Variants in PRICKLE2 observed in about 807,000 individuals in gnomAD.
PRICKLE2 encodes prickle-like protein 2.
A neutral mutation model predicts 81.4 loss-of-function variants in PRICKLE2; 21 were observed. The ratio of observed to expected loss-of-function variants is 0.26; its 90% confidence interval spans 0.18 to 0.37. PRICKLE2 has a LOEUF of 0.37. Ranked by LOEUF, PRICKLE2 falls within the 10% of genes least tolerant of loss-of-function variation. The probability of loss-of-function intolerance (pLI) is 1.00; values close to 1 mark genes in which losing one functional copy is unlikely to be tolerated. For missense variants in PRICKLE2, 940 were observed against 1,109.0 expected (o/e 0.85, Z 2.16); for synonymous variants, 456 against 421.5 (o/e 1.08, Z -1.00).
At chr3:64,137,747 A>T (rs1177249515) in intron 7 of PRICKLE2, among the ~76,000 whole-genome samples, 4 of 152,086 alleles carry the variant, frequency 2.6e-5, no homozygotes, top group African/African-American at 9.7e-5. Flanking sequence ...CGAGGGATGG[A>T]TTCTCCTGGG....
At chr3:64,223,841 T>A (rs2078992857) in intron 1 of PRICKLE2, among the ~76,000 whole-genome samples, 1 of 152,136 alleles carries the variant, frequency 6.6e-6, no homozygotes, top group Admixed American at 6.5e-5. Flanking sequence ...CAGCAGCCAA[T>A]TTGGCCTCTA....
Position 64,160,082 on chromosome 3 carries a change from A to G in PRICKLE2, c.259-5T>C, listed in dbSNP as rs370989875. On this transcript the variant is annotated splice_polypyrimidine_tract_variant and splice_region_variant and intron_variant, in intron 3 of 7. Coordinates refer to ENST00000638394, the MANE Select transcript of PRICKLE2 (RefSeq NM_198859.4). Reference sequence around the variant, plus strand: ...CAGGGAGTTGCAATATCGAACCTGAATAGACACAGACAATGGCATGGAAAA... The same window carrying G: ...CAGGGAGTTGCAATATCGAACCTGAGTAGACACAGACAATGGCATGGAAAA... 1.9e-6 allele frequency: 3 copies of G among 1,613,902 alleles called. No homozygotes were observed. The highest frequency in any genetic ancestry group is 3.3e-5 in the Admixed American group (2 of 60,028).
intron 1 of PRICKLE2, among the ~76,000 whole-genome samples, chr3:64,214,549 G>A (rs2078842314): frequency 6.6e-6 from 1 of 152,166 alleles, no homozygotes; most frequent in Admixed American, 6.5e-5. Context: ...CTATGGAAAG[G>A]TTTTTGTGGT....
chr3:64,231,493 C>G (rs934541555), intron 2 of PRICKLE2, among the ~76,000 whole-genome samples: 2 of 152,148 alleles, frequency 1.3e-5, no homozygotes, highest in Non-Finnish European at 2.9e-5. Context: ...AAGATCTGTA[C>G]AGGGATGCTC....
intron 7 of PRICKLE2, among the ~76,000 whole-genome samples, chr3:64,133,994 A>C (rs991208309): frequency 2.0e-5 from 3 of 152,194 alleles, no homozygotes; most frequent in South Asian, 4.1e-4. Context: ...AGACAGAGTT[A>C]AGAGGAAGGT....
intron 7 of PRICKLE2, chr3:64,141,766 G>A (rs2107005534): frequency 1.0e-6 from 1 of 982,710 alleles, no homozygotes. Context: ...CTGTTCTGAG[G>A]AAAAATGCTG....
intron 2 of PRICKLE2, among the ~76,000 whole-genome samples, chr3:64,241,635 C>T (rs1174589024): frequency 6.6e-6 from 1 of 152,164 alleles, no homozygotes; most frequent in Non-Finnish European, 1.5e-5. Context: ...GGGATGAGGG[C>T]CACAGCTCTT....
intron 2 of PRICKLE2, among the ~76,000 whole-genome samples, chr3:64,246,427 A>AC (rs1411239240): frequency 2.0e-5 from 3 of 151,788 alleles, no homozygotes; most frequent in African/African-American, 7.3e-5. Context: ...GCACCCCCAC[A>AC]ACCCTACCTT....
chr3:64,208,133 CT>C (rs1017146752), intron 1 of PRICKLE2, among the ~76,000 whole-genome samples: 13 of 152,160 alleles, frequency 8.5e-5, no homozygotes, highest in African/African-American at 3.1e-4. Flanking sequence ...GTAAAGAGAG[CT>C]TTTTCTAGAC....
intron 2 of PRICKLE2, among the ~76,000 whole-genome samples, chr3:64,262,876 T>C (rs896776296): frequency 5.3e-5 from 8 of 152,190 alleles, no homozygotes; most frequent in African/African-American, 1.9e-4. Flanking sequence ...TTCAGAGATG[T>C]AAATGACTTG....
chr3:64,222,088 C>T (rs1372895172), intron 1 of PRICKLE2, among the ~76,000 whole-genome samples: 1 of 152,208 alleles, frequency 6.6e-6, no homozygotes, highest in Non-Finnish European at 1.5e-5. Context: ...ATATGCTCAA[C>T]ATCCAGTCAG....
intron 2 of PRICKLE2, among the ~76,000 whole-genome samples, chr3:64,166,346 G>A (rs2077832817): frequency 6.6e-6 from 1 of 152,162 alleles, no homozygotes; most frequent in Non-Finnish European, 1.5e-5. Context: ...GAGACATTCA[G>A]TACTTTGAAA....
intron 7 of PRICKLE2, among the ~76,000 whole-genome samples, chr3:64,137,574 G>A (rs1289474477): frequency 2.0e-5 from 3 of 152,066 alleles, no homozygotes; most frequent in African/African-American, 4.8e-5. Flanking sequence ...AAGGTTCTCC[G>A]GGCCCAGAAA....
At chr3:64,224,489 T>G (rs1285210750) in intron 1 of PRICKLE2, among the ~76,000 whole-genome samples, 1 of 152,194 alleles carries the variant, frequency 6.6e-6, no homozygotes, top group Non-Finnish European at 1.5e-5. Flanking sequence ...TTTCTTTACC[T>G]GGAAGTCTCA....
intron 7 of PRICKLE2, among the ~76,000 whole-genome samples, chr3:64,108,443 G>A (rs2076789548): frequency 6.6e-6 from 1 of 152,126 alleles, no homozygotes; most frequent in Non-Finnish European, 1.5e-5. Context: ...ACTGTCATCT[G>A]GGCAGTGGAG....
chr3:64,169,086 C>A (rs1185089328), intron 2 of PRICKLE2, among the ~76,000 whole-genome samples: 1 of 152,148 alleles, frequency 6.6e-6, no homozygotes, highest in Non-Finnish European at 1.5e-5. Flanking sequence ...CTACATGTGG[C>A]CTTACACATT....
intron 2 of PRICKLE2, among the ~76,000 whole-genome samples, chr3:64,180,524 T>C (rs2078110189): frequency 7.4e-6 from 1 of 134,898 alleles, no homozygotes; most frequent in Non-Finnish European, 1.6e-5. Flanking sequence ...ATCTACAAAT[T>C]TGACAATTTG....
intron 2 of PRICKLE2, among the ~76,000 whole-genome samples, chr3:64,262,681 G>A (rs1291044814): frequency 1.3e-5 from 2 of 152,066 alleles, no homozygotes; most frequent in Non-Finnish European, 2.9e-5. Context: ...GAGGTAGGAG[G>A]AAGATAAAGT....
intron 7 of PRICKLE2, among the ~76,000 whole-genome samples, chr3:64,137,666 C>T (rs187204436): frequency 6.6e-6 from 1 of 152,302 alleles, no homozygotes; most frequent in East Asian, 1.9e-4. Flanking sequence ...CACTGATTCC[C>T]TGTTGTCCCA....
Sources: allele counts gnomAD v4.1 joint callset (sites outside exome capture counted in the v4.1 genomes callset), GRCh38; gene constraint gnomAD v4.1.1; transcripts MANE v1.5; gene names NCBI Gene and HGNC (gene_info 2026-07-23, HGNC 2026-07-21).